TMTC2: variants seen among roughly 807,000 people sequenced by gnomAD.
The protein encoded by TMTC2 is protein O-mannosyl-transferase TMTC2.
A neutral mutation model predicts 82.4 loss-of-function variants in TMTC2; 43 were observed. The observed-to-expected ratio is 0.52, with a 90% CI of 0.41 to 0.67. The LOEUF is 0.67. TMTC2 is among the 30% of genes least tolerant of loss of function. The pLI, the probability that TMTC2 is intolerant of heterozygous loss-of-function variation, is 0.00. For synonymous variants in TMTC2, 408 were observed against 381.9 expected (o/e 1.07, Z -0.80); for missense variants, 919 against 1,012.4 (o/e 0.91, Z 1.25).
intron 1 of TMTC2, among the ~76,000 whole-genome samples, chr12:82,794,223 C>T (rs989922546): frequency 2.0e-4 from 31 of 152,180 alleles, no homozygotes; most frequent in African/African-American, 7.0e-4. Context: ...ACTCCTGGGG[C>T]GCCCTCCTCT....
At chr12:83,094,508 A>G (rs1044084574) in intron 11 of TMTC2, among the ~76,000 whole-genome samples, 1 of 152,228 alleles carries the variant, frequency 6.6e-6, no homozygotes, top group Non-Finnish European at 1.5e-5. Flanking sequence ...TTTCGTGGTC[A>G]GAAAGAAAGT....
Position 83,132,562 on chromosome 12 carries a change from T to A in TMTC2, c.*173T>A. On this transcript the variant is annotated 3_prime_UTR_variant, in exon 12 of 12. Transcript: ENST00000321196. ...TCCACTTTGCTGTAGGCACAGCTGTTAACACCAAAAAGGGGAAAGCCGGAA... is the reference window on the plus strand; with the variant it reads ...TCCACTTTGCTGTAGGCACAGCTGTAAACACCAAAAAGGGGAAAGCCGGAA... 1 of 684,694 alleles carries A rather than the reference T, an allele frequency of 1.5e-6. No homozygotes were observed. The highest frequency in any genetic ancestry group is 2.3e-6 in the Non-Finnish European group (1 of 433,820). 42.4% of individuals were successfully genotyped at this position (684,694 alleles called of 1,614,324 possible).
At chr12:82,913,996 G>A (rs1394401675) in intron 3 of TMTC2, among the ~76,000 whole-genome samples, 1 of 151,982 alleles carries the variant, frequency 6.6e-6, no homozygotes, top group Non-Finnish European at 1.5e-5. Flanking sequence ...CCACATATAA[G>A]TAGAACCAGG....
At chr12:83,096,072 A>G (rs150180357) in intron 11 of TMTC2, among the ~76,000 whole-genome samples, 29 of 152,358 alleles carry the variant, frequency 1.9e-4, no homozygotes, top group Middle Eastern at 3.4e-3. Flanking sequence ...TTCACTTTAC[A>G]GGCACTTCAC....
intron 8 of TMTC2, among the ~76,000 whole-genome samples, chr12:83,016,848 T>C (rs891205330): frequency 6.6e-6 from 1 of 152,208 alleles, no homozygotes; most frequent in African/African-American, 2.4e-5. Context: ...TTTCTTCTTT[T>C]GTAAAACCAG....
At chr12:82,900,862 A>AAT (rs1284724226) in intron 3 of TMTC2, among the ~76,000 whole-genome samples, 8 of 126,040 alleles carry the variant, frequency 6.3e-5, no homozygotes, top group East Asian at 2.3e-4. Flanking sequence ...ATATACCTGG[A>AAT]ATATATATAT....
Position 82,896,004 on chromosome 12 carries a change from C to T in TMTC2, c.841C>T (p.Leu281Phe), listed in dbSNP as rs754246261. ...LTFFYLPTKN[L>F]WLLLCPDTLS... ...CTTCTTCTACTTGCCAACCAAGAAC[C>T]TCTGGCTGTTGCTATGTCCAGATAC... Residue 281 changes from leucine (L) to phenylalanine (F), a missense_variant, in exon 3 of 12, where the codon CTC (leucine) becomes TTC (phenylalanine). Transcript: ENST00000321196. 1 of 1,613,906 alleles carries T rather than the reference C, an allele frequency of 6.2e-7. No individual in the cohort carries two copies. Among genetic ancestry groups the T allele is most frequent in the Non-Finnish European group, 8.5e-7 (1 of 1,179,998 alleles).
intron 8 of TMTC2, among the ~76,000 whole-genome samples, chr12:82,995,976 A>G (rs555139172): frequency 1.2e-4 from 18 of 152,198 alleles, no homozygotes; most frequent in Admixed American, 5.2e-4. Flanking sequence ...ATTATGCTAA[A>G]ATATACATAT....
chr12:82,970,425 G>A (rs1012326047), intron 7 of TMTC2, among the ~76,000 whole-genome samples: 2 of 151,940 alleles, frequency 1.3e-5, no homozygotes, highest in African/African-American at 4.8e-5. Flanking sequence ...TCCGCTTCCC[G>A]GGTTCACGCC....
At chr12:82,754,630 A>G (rs10732678) in intron 1 of TMTC2, among the ~76,000 whole-genome samples, 150,368 of 152,252 alleles carry the variant, frequency 0.99, 74,276 homozygotes, top group East Asian at 1. Context: ...CCAGCTACTT[A>G]GGGGGCTGAG....
chr12:83,087,666 T>G lies in TMTC2; in HGVS notation c.2331+25835T>G, dbSNP rs371148221. On this transcript the variant is annotated intron_variant, in intron 11 of 11. Coordinates refer to ENST00000321196, the MANE Select transcript of TMTC2 (RefSeq NM_152588.3). Reference sequence around the variant, plus strand: ...GGAGCTCTTGGGTGGCCAGGTGCATTGTCAGTGAGCTGTAATATTTTGAAA... The same window carrying G: ...GGAGCTCTTGGGTGGCCAGGTGCATGGTCAGTGAGCTGTAATATTTTGAAA... 5.9e-5 allele frequency among the ~76,000 whole-genome samples: 9 copies of G among 152,352 alleles called. 1 individual carries two copies. Among genetic ancestry groups the G allele is most frequent in the Admixed American group, 2.6e-4 (4 of 15,306 alleles).
At position 83,103,357 on chromosome 12, in the gene TMTC2, A is replaced by G. The variant is rs559231325; in HGVS notation, c.2332-28853A>G. ...CGAAATGCCTGAGGCTGGATAATTTATAAAGAAAAGAGGTTTAATTGGCTC... is the reference window on the plus strand; with the variant it reads ...CGAAATGCCTGAGGCTGGATAATTTGTAAAGAAAAGAGGTTTAATTGGCTC... On this transcript the variant is annotated intron_variant, in intron 11 of 11. Coordinates refer to ENST00000321196, the MANE Select transcript of TMTC2 (RefSeq NM_152588.3). Among the ~76,000 whole-genome samples the G allele has an allele frequency of 3.9e-5, 6 of 152,300 alleles. No individual in the cohort carries two copies. The South Asian group carries it at 1.2e-3, about 32-fold the overall frequency.
rs28454819 is a variant in TMTC2 at position 82,866,253 on chromosome 12, A to C, written c.654+8673A>C. ...GGTTTTTTGAAAAGATCAAAAAAAA[A>C]AAAAAAAAAACAAAAAACTTTCTTT... On this transcript the variant is annotated intron_variant, in intron 2 of 11. Coordinates refer to ENST00000321196, the MANE Select transcript of TMTC2 (RefSeq NM_152588.3). 6.1e-3 allele frequency among the ~76,000 whole-genome samples: 930 copies of C among 151,522 alleles called. 11 individuals carry two copies. The highest frequency in any genetic ancestry group is 0.021 in the African/African-American group (882 of 41,120).
chr12:82,691,222 G>A (rs1565709852), intron 1 of TMTC2, among the ~76,000 whole-genome samples: 2 of 152,038 alleles, frequency 1.3e-5, no homozygotes, highest in African/African-American at 4.8e-5. Context: ...ATATATTTGC[G>A]ACTCCTCTGA....
At position 83,066,312 on chromosome 12, in the gene TMTC2, T is replaced by A. The variant is rs541792101; in HGVS notation, c.2331+4481T>A. Among the ~76,000 whole-genome samples, 9 of 151,908 alleles carry A rather than the reference T, an allele frequency of 5.9e-5. No homozygotes were observed. The East Asian group carries it at 1.7e-3, about 29-fold the overall frequency. On this transcript the variant is annotated intron_variant, in intron 11 of 11. Transcript: ENST00000321196. ...GAAGGTTGAAATGATAGGATGCTTA[T>A]AAGTAAGGATTTTAGCAAGAACAAG...
At chr12:83,073,048 G>GT (rs1315663404) in intron 11 of TMTC2, among the ~76,000 whole-genome samples, 5 of 131,252 alleles carry the variant, frequency 3.8e-5, no homozygotes, top group South Asian at 2.9e-4. Context: ...TGTGTACTTT[G>GT]GTTTTTTTTT....
intron 1 of TMTC2, among the ~76,000 whole-genome samples, chr12:82,810,489 C>G (rs1004007456): frequency 6.6e-6 from 1 of 151,364 alleles, no homozygotes; most frequent in African/African-American, 2.4e-5. Flanking sequence ...ACAAAACAAA[C>G]ATTTTACTTA....
chr12:82,924,674 A>G (rs759313428), intron 3 of TMTC2, among the ~76,000 whole-genome samples: 19 of 152,172 alleles, frequency 1.2e-4, no homozygotes, highest in Non-Finnish European at 2.6e-4. Flanking sequence ...TCTCACTTTG[A>G]AATAGCCATC....
chr12:82,983,418 A>G (rs147759109), intron 7 of TMTC2, among the ~76,000 whole-genome samples: 4 of 152,098 alleles, frequency 2.6e-5, no homozygotes, highest in Non-Finnish European at 5.9e-5. Flanking sequence ...AAAAAAATGG[A>G]CCAGTCATTA....
Sources: gnomAD v4.1 joint callset for allele counts (sites outside exome capture counted in the v4.1 genomes callset) on GRCh38, gnomAD v4.1.1 for gene constraint, MANE v1.5 for transcripts, NCBI Gene and HGNC (gene_info 2026-07-23, HGNC 2026-07-21) for gene names.